Variants in PIAS2 observed in about 807,000 individuals in gnomAD.
PIAS2 encodes the protein E3 SUMO-protein ligase PIAS2.
Under a neutral mutation model 69.7 loss-of-function variants are expected in PIAS2, and 19 were observed. That is an observed-to-expected ratio of 0.27 (90% confidence interval 0.19 to 0.40). PIAS2 has a LOEUF of 0.40. PIAS2 is among the 10% of genes least tolerant of loss of function. The probability of loss-of-function intolerance (pLI) is 1.00; values close to 1 mark genes in which losing one functional copy is unlikely to be tolerated. For missense variants in PIAS2, 624 were observed against 757.0 expected (o/e 0.82, Z 2.06); for synonymous variants, 261 against 263.2 (o/e 0.99, Z 0.08).
chr18:46,918,902 C>T (rs1325853853), upstream of PIAS2, among the ~76,000 whole-genome samples: 2 of 152,086 alleles, frequency 1.3e-5, no homozygotes, highest in African/African-American at 2.4e-5. Context: ...TATGACCTCT[C>T]CTAGGACCCT....
intron 1 of PIAS2, among the ~76,000 whole-genome samples, chr18:46,912,676 A>G (rs1372075833): frequency 6.6e-6 from 1 of 152,244 alleles, no homozygotes; most frequent in Non-Finnish European, 1.5e-5. Context: ...AAAAGTTAAG[A>G]AATATTTTTT....
chr18:46,866,196 G>A (rs918236933), intron 2 of PIAS2, among the ~76,000 whole-genome samples: 1 of 152,030 alleles, frequency 6.6e-6, no homozygotes, highest in African/African-American at 2.4e-5. Context: ...CTTTGATGGA[G>A]GGGAAAAAAG....
chr18:46,840,393 T>C (rs2045197118), intron 8 of PIAS2, among the ~76,000 whole-genome samples: 1 of 152,114 alleles, frequency 6.6e-6, no homozygotes, highest in South Asian at 2.1e-4. Context: ...AATGCCAAAA[T>C]TGTGTGTCCA....
At chr18:46,820,207 G>A (rs576899466) in intron 12 of PIAS2, among the ~76,000 whole-genome samples, 3 of 152,176 alleles carry the variant, frequency 2.0e-5, no homozygotes, top group Admixed American at 6.6e-5. Flanking sequence ...TTCTGTTCAA[G>A]TAACCGTTAT....
At chr18:46,846,645 A>C in intron 6 of PIAS2, 62 bp downstream of exon 6, 3 of 1,467,742 alleles carry the variant, frequency 2.0e-6, no homozygotes, top group Non-Finnish European at 2.7e-6. Flanking sequence ...CTTAAGAAAA[A>C]ACACAGAAAG....
intron 5 of PIAS2, among the ~76,000 whole-genome samples, chr18:46,849,538 C>T (rs1458813187): frequency 2.0e-5 from 3 of 152,048 alleles, no homozygotes; most frequent in Non-Finnish European, 4.4e-5. Context: ...ACAGCACCAG[C>T]GGAACACTTT....
At position 46,807,383 on chromosome 18, in the gene PIAS2, A is replaced by ATT. The variant is rs869285083; in HGVS notation, c.*5048_*5049dup. The ATT allele has an allele frequency of 8.5e-3, 99 of 11,586 alleles. 12 individuals are homozygous for ATT. The highest frequency in any genetic ancestry group is 0.011 in the Non-Finnish European group (83 of 7,448). 0.7% of individuals were successfully genotyped at this position (11,586 alleles called of 1,614,324 possible). A position where few individuals can be genotyped will look rare whatever the true frequency, so the allele number is the denominator to read the frequency against. On this transcript the variant is annotated 3_prime_UTR_variant, in exon 14 of 14. Transcript: ENST00000585916. The stretch of plus-strand genomic sequence containing the variant: ...TATATATATATATATATATATATAT[A>ATT]TTTTTTTTTTTTTTTTTTTTTTTTT...
intron 9 of PIAS2, 157 bp downstream of exon 9, chr18:46,836,200 G>A (rs760322694): frequency 5.8e-5 from 32 of 554,112 alleles, no homozygotes; most frequent in Middle Eastern, 4.7e-4. Context: ...AAATAAGATT[G>A]AGTATAATTA....
At chr18:46,871,590 C>T (rs748717095) in intron 2 of PIAS2, among the ~76,000 whole-genome samples, 43 of 152,104 alleles carry the variant, frequency 2.8e-4, no homozygotes, top group Non-Finnish European at 5.7e-4. Flanking sequence ...CTACCAAGAG[C>T]CCTTGATAAA....
intron 5 of PIAS2, 81 bp from the exon 6 acceptor site, chr18:46,846,922 T>G: frequency 3.6e-5 from 42 of 1,180,362 alleles, no homozygotes; most frequent in Non-Finnish European, 4.6e-5. Flanking sequence ...TACAGGATCC[T>G]GCCCAATTTC....
chr18:46,825,302 A>G (rs1337041770), intron 11 of PIAS2, among the ~76,000 whole-genome samples: 2 of 152,210 alleles, frequency 1.3e-5, no homozygotes, highest in African/African-American at 2.4e-5. Context: ...GACAGGTGGC[A>G]GCCACTCTAA....
chr18:46,843,341 T>C (rs1368382865), intron 8 of PIAS2, among the ~76,000 whole-genome samples: 5 of 152,206 alleles, frequency 3.3e-5, no homozygotes. Flanking sequence ...AAATTCCTGA[T>C]TCCATGACTT....
chr18:46,827,832 A>C, intron 11 of PIAS2, 127 bp downstream of exon 11: 1 of 778,924 alleles, frequency 1.3e-6, no homozygotes, highest in Non-Finnish European at 2.0e-6. Context: ...AAATATTTCA[A>C]CTCAACAAAG....
upstream of PIAS2, chr18:46,917,567 G>T (rs1310179486): frequency 1.8e-6 from 2 of 1,092,202 alleles, no homozygotes; most frequent in Non-Finnish European, 2.2e-6. Context: ...GGTGCCCCCT[G>T]CCCACCCGCG....
chr18:46,840,092 C>G (rs189151675), intron 8 of PIAS2, among the ~76,000 whole-genome samples: 2 of 151,712 alleles, frequency 1.3e-5, no homozygotes, highest in African/African-American at 4.8e-5. Context: ...ACCAAGGAGG[C>G]GGAAGTTGCA....
At chr18:46,843,106 A>G (rs765990722) in intron 8 of PIAS2, among the ~76,000 whole-genome samples, 1 of 152,206 alleles carries the variant, frequency 6.6e-6, no homozygotes, top group South Asian at 2.1e-4. Context: ...TGTTCTACCA[A>G]TAACTGTGTA....
At chr18:46,852,797 A>G (rs952464349) in intron 5 of PIAS2, 1 of 152,344 alleles carries the variant, frequency 6.6e-6, no homozygotes, top group Non-Finnish European at 1.5e-5. Context: ...TATTTTCCAT[A>G]GCAATGCCAC....
upstream of PIAS2, among the ~76,000 whole-genome samples, chr18:46,919,030 TG>T (rs2058346786): frequency 6.6e-6 from 1 of 151,124 alleles, no homozygotes; most frequent in Admixed American, 6.6e-5. Flanking sequence ...TGTGTGTGTG[TG>T]TTGTGTATAT....
intron 11 of PIAS2, among the ~76,000 whole-genome samples, chr18:46,824,383 T>A (rs2042560759): frequency 1.3e-5 from 2 of 152,224 alleles, no homozygotes; most frequent in South Asian, 2.1e-4. Context: ...CCTTATTATG[T>A]TTCCTGTCTT....
Sources: gnomAD v4.1 joint callset for allele counts (sites outside exome capture counted in the v4.1 genomes callset) on GRCh38, gnomAD v4.1.1 for gene constraint, MANE v1.5 for transcripts, NCBI Gene and HGNC (gene_info 2026-07-23, HGNC 2026-07-21) for gene names.